ETV6: variants seen among roughly 807,000 people sequenced by gnomAD.
The protein encoded by ETV6 is ETS variant transcription factor 6, also known as transcription factor ETV6.
ETV6 carries 16 observed loss-of-function variants against 51.1 expected under a neutral mutation model. The observed-to-expected ratio is 0.31, with a 90% CI of 0.21 to 0.48. The LOEUF (loss-of-function observed/expected upper bound fraction) is 0.48. Ranked by LOEUF, ETV6 falls within the 20% of genes least tolerant of loss-of-function variation. The pLI, the probability that ETV6 is intolerant of heterozygous loss-of-function variation, is 0.99. For synonymous variants in ETV6, 240 were observed against 224.1 expected (o/e 1.07, Z -0.64); for missense variants, 458 against 594.8 (o/e 0.77, Z 2.39).
intron 1 of ETV6, among the ~76,000 whole-genome samples, chr12:11,725,105 A>G (rs1865464259): frequency 6.6e-6 from 1 of 150,924 alleles, no homozygotes; most frequent in Non-Finnish European, 1.5e-5. Flanking sequence ...TCTCCAGAAC[A>G]TGTTCCCTGC....
chr12:11,768,900 T>C (rs193158441), intron 2 of ETV6: 7 of 476,638 alleles, frequency 1.5e-5, no homozygotes, highest in African/African-American at 1.4e-4. Context: ...CCTTGTGAAA[T>C]TCCTTGGAAA....
chr12:11,734,769 T>C (rs113529961), intron 1 of ETV6, among the ~76,000 whole-genome samples: 4,294 of 148,362 alleles, frequency 0.029, 168 homozygotes, highest in African/African-American at 0.083. Flanking sequence ...TTGGGGTGTT[T>C]AAGTAACTTC....
At chr12:11,850,343 C>T (rs1487893351) in intron 3 of ETV6, among the ~76,000 whole-genome samples, 2 of 152,158 alleles carry the variant, frequency 1.3e-5, no homozygotes, top group South Asian at 2.1e-4. Context: ...AGGCTTAGCC[C>T]ACCAGGTCAG....
chr12:11,671,281 G>T (rs1319688308), intron 1 of ETV6, among the ~76,000 whole-genome samples: 1 of 152,144 alleles, frequency 6.6e-6, no homozygotes, highest in African/African-American at 2.4e-5. Flanking sequence ...AATGCTTTGG[G>T]TCTCCTGTCC....
At chr12:11,714,913 A>G (rs1457122702) in intron 1 of ETV6, among the ~76,000 whole-genome samples, 1 of 152,192 alleles carries the variant, frequency 6.6e-6, no homozygotes, top group Non-Finnish European at 1.5e-5. Flanking sequence ...TGTGTTTTGA[A>G]GAGATGACTG....
At chr12:11,812,365 G>T (rs1361105427) in intron 2 of ETV6, among the ~76,000 whole-genome samples, 3 of 152,080 alleles carry the variant, frequency 2.0e-5, no homozygotes, top group Non-Finnish European at 2.9e-5. Flanking sequence ...TTCCTCACAG[G>T]TTCCCTTGGG....
intron 4 of ETV6, among the ~76,000 whole-genome samples, chr12:11,867,539 T>C (rs1261284165): frequency 3.3e-5 from 5 of 152,172 alleles, no homozygotes; most frequent in Non-Finnish European, 7.4e-5. Context: ...ATATTTTTGT[T>C]CAGTGATCAT....
In ETV6 at chr12:11,891,122, G is replaced by A; in HGVS notation, c.*76G>A. 1 of 1,205,498 alleles carries A rather than the reference G, an allele frequency of 8.3e-7. No homozygotes were observed. The highest frequency in any genetic ancestry group is 1.5e-5 in the African/African-American group (1 of 66,040). 74.7% of individuals were successfully genotyped at this position (1,205,498 alleles called of 1,614,324 possible). A position where few individuals can be genotyped will look rare whatever the true frequency, so the allele number is the denominator to read the frequency against. The stretch of plus-strand genomic sequence containing the variant: ...CACCAGGATTGCTGGAAGTGTGACG[G>A]AGCAGGCGGGCTGAGGAGAGTGGAA... On this transcript the variant is annotated 3_prime_UTR_variant, in exon 8 of 8. Transcript: ENST00000396373.
At chr12:11,767,091 T>C (rs1487533806) in intron 2 of ETV6, among the ~76,000 whole-genome samples, 2 of 152,336 alleles carry the variant, frequency 1.3e-5, no homozygotes, top group East Asian at 3.9e-4. Context: ...AGAACAGTCA[T>C]TATTAATTAG....
chr12:11,855,216 T>TA (rs2136496194), intron 4 of ETV6, among the ~76,000 whole-genome samples: 1 of 151,484 alleles, frequency 6.6e-6, no homozygotes, highest in African/African-American at 2.4e-5. Context: ...TGAGGCAAGA[T>TA]AATGGAGTGA....
intron 1 of ETV6, among the ~76,000 whole-genome samples, chr12:11,699,485 A>G (rs1044340765): frequency 6.6e-6 from 1 of 152,164 alleles, no homozygotes; most frequent in Admixed American, 6.5e-5. Flanking sequence ...GATGTACAAG[A>G]TTTAATTAGA....
chr12:11,883,289 T>C lies in ETV6; in HGVS notation c.1010-1156T>C, dbSNP rs1437116257. On this transcript the variant is annotated intron_variant, in intron 5 of 7. Coordinates refer to ENST00000396373, the MANE Select transcript of ETV6 (RefSeq NM_001987.5). ...TCATGTCTTCTTCTTTTTTTTTTTTTTTTTTTTTTTTTTTTTTTTTTTGAG... is the reference window on the plus strand; with the variant it reads ...TCATGTCTTCTTCTTTTTTTTTTTTCTTTTTTTTTTTTTTTTTTTTTTGAG... Among the ~76,000 whole-genome samples the C allele has an allele frequency of 7.1e-3, 837 of 118,582 alleles. 37 individuals are homozygous for C. Among genetic ancestry groups the C allele is most frequent in the African/African-American group, 0.015 (435 of 29,942 alleles). 77.8% of individuals were successfully genotyped at this position (118,582 alleles called of 152,430 possible).
intron 1 of ETV6, among the ~76,000 whole-genome samples, chr12:11,700,413 C>T (rs904988587): frequency 2.0e-5 from 3 of 152,072 alleles, no homozygotes; most frequent in Non-Finnish European, 2.9e-5. Flanking sequence ...TGTTATTTCC[C>T]TCTGTATGTT....
chr12:11,849,445 A>G lies in ETV6; in HGVS notation c.329-3982A>G, dbSNP rs74060881. Among the ~76,000 whole-genome samples, 1,432 of 152,190 alleles carry G rather than the reference A, an allele frequency of 9.4e-3. 19 individuals carry two copies. The highest frequency in any genetic ancestry group is 0.033 in the African/African-American group (1,374 of 41,520). On this transcript the variant is annotated intron_variant, in intron 3 of 7. Transcript: ENST00000396373. Reference sequence around the variant, plus strand: ...TTGTTAGTAACACCTTTTAGATGTGATCTCCTCCATATATGAAAATTGGAA... The same window carrying G: ...TTGTTAGTAACACCTTTTAGATGTGGTCTCCTCCATATATGAAAATTGGAA...
chr12:11,799,211 A>G lies in ETV6; in HGVS notation c.164-39929A>G, dbSNP rs549677232. On this transcript the variant is annotated intron_variant, in intron 2 of 7. Transcript: ENST00000396373. ...TAGCCCGAGGAGAGAATGGGCTCATACAGGTTCACAACTTTGCAAGTGAAC... is the reference window on the plus strand; with the variant it reads ...TAGCCCGAGGAGAGAATGGGCTCATGCAGGTTCACAACTTTGCAAGTGAAC... 3.3e-5 allele frequency among the ~76,000 whole-genome samples: 5 copies of G among 152,336 alleles called. No homozygotes were observed. The South Asian group carries it at 1.0e-3, about 32-fold the overall frequency.
intron 1 of ETV6, chr12:11,750,940 G>T: frequency 2.2e-6 from 1 of 458,530 alleles, no homozygotes; most frequent in South Asian, 1.6e-5. Flanking sequence ...TTGCCTCTGG[G>T]TGACTTTTTA....
chr12:11,891,402 C>T lies in ETV6; in HGVS notation c.*356C>T. The T allele has an allele frequency of 2.9e-6, 1 of 344,284 alleles. No individual in the cohort carries two copies. The highest frequency in any genetic ancestry group is 5.4e-6 in the Non-Finnish European group (1 of 186,146). 21.3% of individuals were successfully genotyped at this position (344,284 alleles called of 1,614,324 possible). A position where few individuals can be genotyped will look rare whatever the true frequency, so the allele number is the denominator to read the frequency against. On this transcript the variant is annotated 3_prime_UTR_variant, in exon 8 of 8. Transcript: ENST00000396373. The stretch of plus-strand genomic sequence containing the variant: ...TTTAAGAACCTGCAGTTTGACTCTT[C>T]ATCGTTCATCTAGGGGAAGACATCT...
rs574669636 is a variant in ETV6, at chr12:11,890,888, A to G, written c.1254-53A>G. 72 of 1,373,754 alleles carry G rather than the reference A, an allele frequency of 5.2e-5. No individual in the cohort carries two copies. In the South Asian group the frequency reaches 7.3e-4, roughly 14 times the overall value. 85.1% of individuals were successfully genotyped at this position (1,373,754 alleles called of 1,614,324 possible). On this transcript the variant is annotated intron_variant, in intron 7 of 7. Transcript: ENST00000396373. ...ATATACAGGCTAGAGTTCAGAGTGA[A>G]GACAGCTTTAGGAAAATGGAATCTC...
intron 1 of ETV6, among the ~76,000 whole-genome samples, chr12:11,653,750 G>A (rs1334809710): frequency 1.3e-5 from 2 of 151,772 alleles, no homozygotes; most frequent in Non-Finnish European, 2.9e-5. Flanking sequence ...CCTTAGAGAG[G>A]GCTAGAGCAC....
Sources: allele counts gnomAD v4.1 joint callset (sites outside exome capture counted in the v4.1 genomes callset), GRCh38; gene constraint gnomAD v4.1.1; transcripts MANE v1.5; gene names NCBI Gene and HGNC (gene_info 2026-07-23, HGNC 2026-07-21).